Variants in TSNARE1 observed in about 807,000 individuals in gnomAD.
TSNARE1 encodes t-SNARE domain containing 1, also known as t-SNARE domain-containing protein 1.
A neutral mutation model predicts 62.0 loss-of-function variants in TSNARE1; 49 were observed. That is an observed-to-expected ratio of 0.79 (90% CI 0.63 to 1.00). The LOEUF (loss-of-function observed/expected upper bound fraction) is 1.00, where lower values mean the gene tolerates loss of function less well. TSNARE1 is among the 50% of genes least tolerant of loss of function. The pLI is 0.00. For synonymous variants in TSNARE1, 328 were observed against 294.4 expected (o/e 1.11, Z -1.17); for missense variants, 755 against 700.1 (o/e 1.08, Z -0.88).
At chr8:142,271,678 G>C (rs1179401782) in intron 12 of TSNARE1, 3 of 1,381,744 alleles carry the variant, frequency 2.2e-6, no homozygotes, top group South Asian at 1.7e-5. Context: ...TGGGGGTCTC[G>C]TCCTCCTCAT....
intron 1 of TSNARE1, among the ~76,000 whole-genome samples, chr8:142,398,138 GCCA>G (rs2131465708): frequency 6.6e-6 from 1 of 151,948 alleles, no homozygotes; most frequent in South Asian, 2.1e-4. Context: ...CCCAGCTAAG[GCCA>G]CTCAGCTCTC....
Position 142,215,364 on chromosome 8 carries a change from C to A in TSNARE1, c.*12-3051G>T, listed in dbSNP as rs192184826. Among the ~76,000 whole-genome samples the A allele has an allele frequency of 4.5e-4, 69 of 152,268 alleles. 3 individuals are homozygous for A. In the East Asian group the frequency reaches 7.0e-3, roughly 15 times the overall value. ...AACGCAGTGTCCTGGTGTCAGTGGA[C>A]AGGGTCTAATGCGAGGTGGCAGCAA... is the stretch of plus-strand genomic sequence containing the variant. On this transcript the variant is annotated intron_variant, in intron 13 of 13. Coordinates refer to ENST00000524325, the MANE Select transcript of TSNARE1 (RefSeq NM_145003.5).
Position 142,319,311 on chromosome 8 carries a change from C to T in TSNARE1, c.894-677G>A, listed in dbSNP as rs1039383245. Among the ~76,000 whole-genome samples the T allele has an allele frequency of 2.0e-5, 3 of 152,016 alleles. No individual in the cohort carries two copies. Among genetic ancestry groups the T allele is most frequent in the Non-Finnish European group, 2.9e-5 (2 of 67,960 alleles). On this transcript the variant is annotated intron_variant, in intron 6 of 13. Coordinates refer to ENST00000524325, the MANE Select transcript of TSNARE1 (RefSeq NM_145003.5). The surrounding 1 kb of genome is among the most constrained non-coding windows in gnomAD (Gnocchi z 4.9). ...CAGGGAGGCCAGCAGTCCCCACCCCCCTGCACACCTCTGAGGGGTGCACAC... is the reference window on the plus strand; with the variant it reads ...CAGGGAGGCCAGCAGTCCCCACCCCTCTGCACACCTCTGAGGGGTGCACAC...
intron 1 of TSNARE1, among the ~76,000 whole-genome samples, chr8:142,380,036 A>G (rs1216137490): frequency 1.3e-5 from 2 of 152,192 alleles, no homozygotes; most frequent in Non-Finnish European, 2.9e-5. Context: ...CACACTCCCC[A>G]CTGCCAAATC....
At chr8:142,267,651 C>G (rs1475469350) in intron 12 of TSNARE1, among the ~76,000 whole-genome samples, 3 of 152,180 alleles carry the variant, frequency 2.0e-5, no homozygotes, top group Non-Finnish European at 4.4e-5. Flanking sequence ...CTGACAGGAA[C>G]CATCCCTGCC....
intron 12 of TSNARE1, chr8:142,270,746 C>T (rs1819455392): frequency 3.0e-6 from 3 of 985,324 alleles, no homozygotes; most frequent in Admixed American, 6.1e-5. Flanking sequence ...CCCCACCTCC[C>T]CTGCTTCCAG....
At chr8:142,335,554 T>C (rs184483360) in intron 4 of TSNARE1, among the ~76,000 whole-genome samples, 34 of 151,842 alleles carry the variant, frequency 2.2e-4, no homozygotes, top group Middle Eastern at 3.4e-3. Flanking sequence ...CATAAGCCCT[T>C]AGTGGAGATA....
intron 1 of TSNARE1, among the ~76,000 whole-genome samples, chr8:142,382,117 C>A (rs1364646879): frequency 6.6e-6 from 1 of 152,210 alleles, no homozygotes; most frequent in Admixed American, 6.5e-5. Context: ...GGCCCCTGCG[C>A]ATGGGCATCC....
chr8:142,377,919 G>A (rs759212763), intron 1 of TSNARE1, among the ~76,000 whole-genome samples: 5 of 152,222 alleles, frequency 3.3e-5, no homozygotes, highest in Non-Finnish European at 7.3e-5. Flanking sequence ...GTCTATACAC[G>A]TGTCTTTAGT....
At chr8:142,214,856 G>T (rs914877313) in intron 13 of TSNARE1, among the ~76,000 whole-genome samples, 1 of 152,202 alleles carries the variant, frequency 6.6e-6, no homozygotes, top group African/African-American at 2.4e-5. Flanking sequence ...CCCAGCCCTG[G>T]CGGCACCCTG....
intron 6 of TSNARE1, among the ~76,000 whole-genome samples, chr8:142,320,973 G>A (rs762686393): frequency 6.6e-6 from 1 of 152,184 alleles, no homozygotes; most frequent in African/African-American, 2.4e-5. Flanking sequence ...GCAGGATCTC[G>A]TCTCATTTGT....
At chr8:142,298,915 G>C (rs1187010601) in intron 10 of TSNARE1, among the ~76,000 whole-genome samples, 1 of 152,182 alleles carries the variant, frequency 6.6e-6, no homozygotes, top group African/African-American at 2.4e-5. Flanking sequence ...AGTGGGCCTC[G>C]TGCACCAGCA....
At chr8:142,221,881 T>G (rs1488824692) in intron 13 of TSNARE1, among the ~76,000 whole-genome samples, 1 of 106,558 alleles carries the variant, frequency 9.4e-6, no homozygotes, top group Admixed American at 9.6e-5. Flanking sequence ...ACTCACTCAC[T>G]CATCCACTCA....
intron 13 of TSNARE1, among the ~76,000 whole-genome samples, chr8:142,226,417 C>T (rs960488010): frequency 6.6e-5 from 10 of 152,180 alleles, no homozygotes; most frequent in East Asian, 1.9e-4. Flanking sequence ...TGGCGCCTCC[C>T]GCCCACCTCT....
chr8:142,282,205 C>T (rs2130817179), intron 11 of TSNARE1, among the ~76,000 whole-genome samples: 1 of 152,322 alleles, frequency 6.6e-6, no homozygotes, highest in East Asian at 1.9e-4. Context: ...TCCCATGCCG[C>T]TCTCCCTACA....
At chr8:142,296,559 T>C (rs868111455) in intron 10 of TSNARE1, among the ~76,000 whole-genome samples, 3 of 152,048 alleles carry the variant, frequency 2.0e-5, no homozygotes, top group South Asian at 2.1e-4. Context: ...TGGAGCCCAC[T>C]ACTCCAGGCT....
chr8:142,274,548 G>C (rs1244580890), intron 12 of TSNARE1: 11 of 985,318 alleles, frequency 1.1e-5, no homozygotes, highest in Non-Finnish European at 1.3e-5. Flanking sequence ...GTGCATACAA[G>C]AGAGGAGACG....
chr8:142,315,105 T>C lies in TSNARE1; in HGVS notation c.985-13A>G. ...GCAGACGCTCCTGCTGCAGAGAAGG[T>C]ACAGCTGGCACGGCATGGGAGGCTT... On this transcript the variant is annotated splice_polypyrimidine_tract_variant and intron_variant, in intron 7 of 13. Transcript: ENST00000524325. The C allele has an allele frequency of 6.2e-7, 1 of 1,613,870 alleles. No individual in the cohort carries two copies. Among genetic ancestry groups the C allele is most frequent in the Non-Finnish European group, 8.5e-7 (1 of 1,179,944 alleles).
chr8:142,369,335 AACCCC>A (rs1835770271), intron 1 of TSNARE1, among the ~76,000 whole-genome samples: 1 of 152,234 alleles, frequency 6.6e-6, no homozygotes, highest in South Asian at 2.1e-4. Context: ...AGCTGGACTC[AACCCC>A]ACATAAATGG....
Sources: gnomAD v4.1 joint callset for allele counts (sites outside exome capture counted in the v4.1 genomes callset) on GRCh38, gnomAD v4.1.1 for gene constraint, Gnocchi (gnomAD v3.1) non-coding constraint, MANE v1.5 for transcripts, NCBI Gene and HGNC (gene_info 2026-07-23, HGNC 2026-07-21) for gene names.